Variants in SDK1 observed in about 807,000 individuals in gnomAD.
The protein encoded by SDK1 is sidekick cell adhesion molecule 1.
Under a neutral mutation model 245.5 loss-of-function variants are expected in SDK1, and 157 were observed. The ratio of observed to expected loss-of-function variants is 0.64; its 90% confidence interval spans 0.56 to 0.73. The LOEUF is 0.73. Ranked by LOEUF, SDK1 falls within the 30% of genes least tolerant of loss-of-function variation. The probability of loss-of-function intolerance (pLI) is 0.00; values close to 1 mark genes in which losing one functional copy is unlikely to be tolerated. For missense variants in SDK1, 3,583 were observed against 3,002.3 expected, an observed-to-expected ratio of 1.19 and a Z score of -4.52; for synonymous variants, 1,647 against 1,278.5, an observed-to-expected ratio of 1.29 and a Z score of -6.15.
intron 1 of SDK1, among the ~76,000 whole-genome samples, chr7:3,384,746 T>G (rs1445630963): frequency 1.3e-5 from 2 of 152,242 alleles, no homozygotes; most frequent in Non-Finnish European, 2.9e-5. Context: ...CGTGTACATA[T>G]GTATATAAAT....
chr7:4,145,221 G>A (rs1452906266), intron 28 of SDK1, among the ~76,000 whole-genome samples: 1 of 152,204 alleles, frequency 6.6e-6, no homozygotes, highest in East Asian at 1.9e-4. Context: ...GAGGGAGCTG[G>A]GGGGTCAGAG....
intron 1 of SDK1, among the ~76,000 whole-genome samples, chr7:3,593,848 C>A (rs1780967271): frequency 6.6e-6 from 1 of 152,144 alleles, no homozygotes; most frequent in South Asian, 2.1e-4. Context: ...TTTCTGAACC[C>A]CTGTGTGCCC....
intron 4 of SDK1, among the ~76,000 whole-genome samples, chr7:3,695,572 A>G (rs1055771138): frequency 4.6e-5 from 7 of 152,212 alleles, no homozygotes; most frequent in Admixed American, 1.3e-4. Flanking sequence ...TAATGGGTGC[A>G]TAATAGTTTA....
intron 22 of SDK1, among the ~76,000 whole-genome samples, chr7:4,095,590 C>T (rs372726646): frequency 7.3e-5 from 11 of 151,332 alleles, no homozygotes; most frequent in South Asian, 2.1e-4. Context: ...TATTTTTTTC[C>T]GAGACGGAGT....
chr7:3,596,925 CT>C (rs1315635532), intron 1 of SDK1, among the ~76,000 whole-genome samples: 1 of 152,142 alleles, frequency 6.6e-6, no homozygotes, highest in Non-Finnish European at 1.5e-5. Context: ...GTCTGCCTTA[CT>C]TGAACACAGT....
At chr7:3,632,639 T>C (rs1325544291) in intron 2 of SDK1, among the ~76,000 whole-genome samples, 1 of 152,236 alleles carries the variant, frequency 6.6e-6, no homozygotes, top group East Asian at 1.9e-4. Flanking sequence ...AAATAACTTT[T>C]ACAAATATTG....
intron 5 of SDK1, among the ~76,000 whole-genome samples, chr7:3,906,149 T>C (rs184537233): frequency 5.3e-5 from 8 of 152,214 alleles, no homozygotes; most frequent in African/African-American, 1.9e-4. Context: ...CTGATGTTTG[T>C]CCTCACCTTT....
intron 1 of SDK1, among the ~76,000 whole-genome samples, chr7:3,455,393 T>G (rs1468486383): frequency 1.3e-5 from 2 of 152,038 alleles, no homozygotes; most frequent in Non-Finnish European, 2.9e-5. Context: ...TTTTTTTTTT[T>G]TCTAAAAGTT....
intron 1 of SDK1, among the ~76,000 whole-genome samples, chr7:3,402,661 AG>A (rs1445696188): frequency 5.9e-5 from 9 of 152,208 alleles, no homozygotes; most frequent in African/African-American, 1.9e-4. Flanking sequence ...GCCATTTTTG[AG>A]GTGTTTAAAT....
chr7:3,525,173 G>A (rs1166848065), intron 1 of SDK1, among the ~76,000 whole-genome samples: 1 of 152,062 alleles, frequency 6.6e-6, no homozygotes, highest in Non-Finnish European at 1.5e-5. Context: ...TGGGACTTGA[G>A]CATCTGAGGT....
At chr7:4,117,693 G>A (rs1783800041) in intron 25 of SDK1, among the ~76,000 whole-genome samples, 1 of 152,158 alleles carries the variant, frequency 6.6e-6, no homozygotes, top group Admixed American at 6.5e-5. Context: ...GCAGTGCCCA[G>A]CACACTGTGG....
intron 1 of SDK1, among the ~76,000 whole-genome samples, chr7:3,390,140 C>T (rs1435394908): frequency 1.3e-5 from 2 of 152,126 alleles, no homozygotes; most frequent in South Asian, 2.1e-4. Context: ...TGCTTGGATT[C>T]TTCTTGCTGC....
At chr7:4,160,697 TC>T (rs1375186509) in intron 31 of SDK1, among the ~76,000 whole-genome samples, 1 of 152,164 alleles carries the variant, frequency 6.6e-6, no homozygotes, top group East Asian at 1.9e-4. Flanking sequence ...CATTGAGAAC[TC>T]CCTGTAATGG....
chr7:4,095,145 C>T (rs572216690), intron 22 of SDK1, among the ~76,000 whole-genome samples: 1 of 150,132 alleles, frequency 6.7e-6, no homozygotes, highest in Non-Finnish European at 1.5e-5. Context: ...CACATCTGAG[C>T]TCTTCCTCAG....
intron 5 of SDK1, among the ~76,000 whole-genome samples, chr7:3,901,901 T>C (rs899831296): frequency 6.6e-6 from 1 of 152,208 alleles, no homozygotes; most frequent in Non-Finnish European, 1.5e-5. Context: ...GTTACTCATT[T>C]AGGTGTTAAC....
chr7:3,732,727 G>C (rs991984752), intron 4 of SDK1, among the ~76,000 whole-genome samples: 1 of 152,238 alleles, frequency 6.6e-6, no homozygotes, highest in Non-Finnish European at 1.5e-5. Flanking sequence ...TTTGGTGACA[G>C]AGAGGGTACG....
chr7:3,564,847 A>C (rs1229650236), intron 1 of SDK1, among the ~76,000 whole-genome samples: 1 of 152,084 alleles, frequency 6.6e-6, no homozygotes, highest in Non-Finnish European at 1.5e-5. Context: ...CAATTTTCTG[A>C]AGTTAATGAA....
In SDK1 at chr7:3,698,842, T is replaced by C. The variant is rs575961557; in HGVS notation, c.713+56737T>C. On this transcript the variant is annotated intron_variant, in intron 4 of 44. Coordinates refer to ENST00000404826, the MANE Select transcript of SDK1 (RefSeq NM_152744.4). ...GCTCATAACCTCATCTAACCCTAAT[T>C]AGTTCCCAAATGTCCTATCTCTAAA... is the stretch of plus-strand genomic sequence containing the variant. Among the ~76,000 whole-genome samples the C allele has an allele frequency of 1.2e-4, 18 of 152,310 alleles. No homozygotes were observed. The South Asian group carries it at 3.5e-3, about 30-fold the overall frequency.
In SDK1 at chr7:3,333,908, C is replaced by T. The variant is rs111516228; in HGVS notation, c.298+32024C>T. Reference sequence around the variant, plus strand: ...CTGGACTGCCAGGGTGGCCAGCATCCTAGCCCAGGCATGGGGCTGCTGATT... The same window carrying T: ...CTGGACTGCCAGGGTGGCCAGCATCTTAGCCCAGGCATGGGGCTGCTGATT... On this transcript the variant is annotated intron_variant, in intron 1 of 44. Transcript: ENST00000404826. Among the ~76,000 whole-genome samples, 866 of 152,328 alleles carry T rather than the reference C, an allele frequency of 5.7e-3. 12 individuals are homozygous for T. Among genetic ancestry groups the T allele is most frequent in the African/African-American group, 0.019 (799 of 41,558 alleles).
Sources: gnomAD v4.1 joint callset for allele counts (sites outside exome capture counted in the v4.1 genomes callset) on GRCh38, gnomAD v4.1.1 for gene constraint, MANE v1.5 for transcripts, NCBI Gene and HGNC (gene_info 2026-07-23, HGNC 2026-07-21) for gene names.